Variants in NXPH1 observed in about 807,000 individuals in gnomAD.
NXPH1 encodes neurexophilin 1, also known as neurexophilin-1.
A neutral mutation model predicts 23.7 loss-of-function variants in NXPH1; 5 were observed. The ratio of observed to expected loss-of-function variants is 0.21; its 90% CI spans 0.11 to 0.44. NXPH1 has a LOEUF of 0.44. NXPH1 is among the 20% of genes least tolerant of loss of function. NXPH1 has a pLI of 0.99. For missense variants in NXPH1, 324 were observed against 321.6 expected, an observed-to-expected ratio of 1.01 and a Z score of -0.06; for synonymous variants, 144 against 122.2, an observed-to-expected ratio of 1.18 and a Z score of -1.18.
intron 2 of NXPH1, among the ~76,000 whole-genome samples, chr7:8,484,356 C>T (rs993125): frequency 0.4 from 61,148 of 151,346 alleles, 12,756 homozygotes; most frequent in East Asian, 0.74. Flanking sequence ...CTTTATTCAC[C>T]GTAGCTGGTC....
rs560126312 is a variant in NXPH1 at position 8,441,045 on chromosome 7, A to T, written c.54+5278A>T. On this transcript the variant is annotated intron_variant, in intron 2 of 2. Coordinates refer to ENST00000405863, the MANE Select transcript of NXPH1 (RefSeq NM_152745.3). ...AGTGTGCGTTCTTTCTGATTTTTTT[A>T]AAAATAAAAAGTGTCTAGCTTTGAT... Among the ~76,000 whole-genome samples the T allele has an allele frequency of 1.1e-4, 16 of 152,294 alleles. No individual in the cohort carries two copies. In the South Asian group the frequency reaches 3.1e-3, roughly 30 times the overall value.
At chr7:8,681,047 CAG>C (rs1821041764) in intron 2 of NXPH1, among the ~76,000 whole-genome samples, 1 of 152,230 alleles carries the variant, frequency 6.6e-6, no homozygotes, top group African/African-American at 2.4e-5. Context: ...TGGCTAGTAA[CAG>C]AGCCAGCGCT....
At chr7:8,436,643 G>C (rs922568905) in intron 2 of NXPH1, among the ~76,000 whole-genome samples, 1 of 152,152 alleles carries the variant, frequency 6.6e-6, no homozygotes, top group Non-Finnish European at 1.5e-5. Context: ...TGGGGGAATG[G>C]GGGTAAGGGA....
At chr7:8,461,548 C>G (rs893901378) in intron 2 of NXPH1, among the ~76,000 whole-genome samples, 1 of 151,980 alleles carries the variant, frequency 6.6e-6, no homozygotes, top group Non-Finnish European at 1.5e-5. Flanking sequence ...AATAAACACA[C>G]GGCCGGGCGC....
intron 2 of NXPH1, among the ~76,000 whole-genome samples, chr7:8,581,619 A>G (rs572943038): frequency 1.4e-3 from 212 of 152,324 alleles, no homozygotes; most frequent in Non-Finnish European, 2.3e-3. Context: ...ATACAAATCC[A>G]AACCATATCC....
intron 2 of NXPH1, among the ~76,000 whole-genome samples, chr7:8,596,844 C>T (rs527422236): frequency 1.3e-5 from 2 of 152,150 alleles, no homozygotes; most frequent in Non-Finnish European, 2.9e-5. Context: ...GCTTGAAGAG[C>T]TCACCTTCTA....
At chr7:8,449,455 GT>G (rs1034713416) in intron 2 of NXPH1, among the ~76,000 whole-genome samples, 2 of 152,258 alleles carry the variant, frequency 1.3e-5, no homozygotes, top group Middle Eastern at 3.4e-3. Context: ...TTAACATGGA[GT>G]TTTTTCCATT....
At chr7:8,466,076 G>A (rs1014674837) in intron 2 of NXPH1, among the ~76,000 whole-genome samples, 8 of 152,202 alleles carry the variant, frequency 5.3e-5, no homozygotes, top group African/African-American at 1.9e-4. Context: ...GTGAAGTAGT[G>A]TAAAGGGGAT....
At chr7:8,507,557 G>T (rs557164259) in intron 2 of NXPH1, among the ~76,000 whole-genome samples, 2 of 152,168 alleles carry the variant, frequency 1.3e-5, no homozygotes, top group Admixed American at 1.3e-4. Context: ...AATCCTTCTA[G>T]TAGTTCCCCC....
chr7:8,640,014 C>T (rs558194458), intron 2 of NXPH1, among the ~76,000 whole-genome samples: 12 of 152,260 alleles, frequency 7.9e-5, no homozygotes, highest in African/African-American at 2.9e-4. Flanking sequence ...CTTTTCTACT[C>T]AATTATTTGT....
chr7:8,519,493 C>T (rs544200852), intron 2 of NXPH1, among the ~76,000 whole-genome samples: 7 of 152,258 alleles, frequency 4.6e-5, no homozygotes, highest in Admixed American at 3.9e-4. Flanking sequence ...TGAAGATACA[C>T]TTAAACTAAG....
intron 2 of NXPH1, among the ~76,000 whole-genome samples, chr7:8,576,469 T>C (rs1050955459): frequency 6.6e-6 from 1 of 152,138 alleles, no homozygotes; most frequent in African/African-American, 2.4e-5. Context: ...AAGGAAACCT[T>C]TCTTGAAGTA....
At chr7:8,684,074 G>A (rs532282800) in intron 2 of NXPH1, among the ~76,000 whole-genome samples, 1 of 152,300 alleles carries the variant, frequency 6.6e-6, no homozygotes, top group African/African-American at 2.4e-5. Context: ...TTGGAGAACA[G>A]TGAATGATTA....
At chr7:8,674,142 C>G (rs1447858497) in intron 2 of NXPH1, among the ~76,000 whole-genome samples, 1 of 148,244 alleles carries the variant, frequency 6.7e-6, no homozygotes, top group East Asian at 2.0e-4. Flanking sequence ...ATCAATGTCC[C>G]TAGTACTTAC....
intron 2 of NXPH1, among the ~76,000 whole-genome samples, chr7:8,727,655 C>A (rs549270715): frequency 3.3e-5 from 5 of 151,938 alleles, no homozygotes; most frequent in Non-Finnish European, 1.5e-5. Flanking sequence ...TGTAGATATG[C>A]GGCATTATTT....
intron 2 of NXPH1, among the ~76,000 whole-genome samples, chr7:8,569,645 C>G (rs1226141056): frequency 1.3e-5 from 2 of 151,814 alleles, no homozygotes; most frequent in African/African-American, 4.8e-5. Context: ...TTACACTCAT[C>G]TCTATTTTTG....
intron 2 of NXPH1, among the ~76,000 whole-genome samples, chr7:8,545,725 A>G (rs1233729155): frequency 6.6e-6 from 1 of 151,524 alleles, no homozygotes; most frequent in Non-Finnish European, 1.5e-5. Context: ...ATAAATATCA[A>G]CTGCTTAGAC....
chr7:8,582,700 G>T (rs1169094429), intron 2 of NXPH1, among the ~76,000 whole-genome samples: 3 of 152,112 alleles, frequency 2.0e-5, no homozygotes, highest in Non-Finnish European at 4.4e-5. Flanking sequence ...CATGCTGATT[G>T]GTCCATGGGC....
intron 2 of NXPH1, among the ~76,000 whole-genome samples, chr7:8,502,865 G>A (rs1817458657): frequency 1.3e-5 from 2 of 151,938 alleles, no homozygotes; most frequent in South Asian, 2.1e-4. Flanking sequence ...CGAATGTGCA[G>A]CAATACTGTC....
Sources: gnomAD v4.1 joint callset for allele counts (sites outside exome capture counted in the v4.1 genomes callset) on GRCh38, gnomAD v4.1.1 for gene constraint, MANE v1.5 for transcripts, NCBI Gene and HGNC (gene_info 2026-07-23, HGNC 2026-07-21) for gene names.